The following SQLE variants were observed in gnomAD, a reference collection of about 807,000 sequenced individuals.
SQLE encodes the protein squalene monooxygenase.
Under a neutral mutation model 60.7 loss-of-function variants are expected in SQLE, and 29 were observed. The ratio of observed to expected loss-of-function variants is 0.48; its 90% CI spans 0.36 to 0.65. The LOEUF is 0.65. Among genes scored for constraint, SQLE ranks in the 30% least tolerant of loss-of-function variants. SQLE has a pLI of 0.00. For missense variants in SQLE, 605 were observed against 684.1 expected (o/e 0.88, Z 1.29); for synonymous variants, 237 against 246.8 (o/e 0.96, Z 0.37).
intron 7 of SQLE, 198 bp from the exon 8 acceptor site, chr8:125,017,861 A>G: frequency 1.7e-6 from 1 of 589,230 alleles, no homozygotes; most frequent in Non-Finnish European, 2.9e-6. Flanking sequence ...GTGCCTGGCC[A>G]CCTATTAGGT....
At chr8:125,000,063 G>T (rs1242137365) in intron 1 of SQLE, 2 of 470,756 alleles carry the variant, frequency 4.2e-6, no homozygotes, top group East Asian at 6.6e-5. Context: ...AGAAAGAAAC[G>T]TGCTGCGGGT....
intron 7 of SQLE, among the ~76,000 whole-genome samples, chr8:125,013,356 CTTT>C (rs1554588049): frequency 2.2e-5 from 3 of 136,446 alleles, no homozygotes; most frequent in African/African-American, 5.7e-5. Context: ...TTTTCTTTTT[CTTT>C]TTTTTTTTTT....
At position 124,999,707 on chromosome 8, in the gene SQLE, C is replaced by G. The variant is rs188494662; in HGVS notation, c.291+13C>G. On this transcript the variant is annotated intron_variant, in intron 1 of 10. Transcript: ENST00000265896. ...CGAGGCCAGGAGGGTAGGTTGATTTCAAAGCGGGCAGATGAATGTCTTATT... is the reference window on the plus strand; with the variant it reads ...CGAGGCCAGGAGGGTAGGTTGATTTGAAAGCGGGCAGATGAATGTCTTATT... The G allele has an allele frequency of 4.6e-4, 710 of 1,557,886 alleles. 3 individuals are homozygous for G. In the African/African-American group the frequency reaches 8.3e-3, roughly 18 times the overall value.
At chr8:125,012,868 C>G (rs1160585706) in intron 7 of SQLE, among the ~76,000 whole-genome samples, 1 of 152,210 alleles carries the variant, frequency 6.6e-6, no homozygotes, top group Non-Finnish European at 1.5e-5. Flanking sequence ...CAGTTACATT[C>G]CTTTCAGCAG....
At chr8:125,001,450 GT>G (rs1814849081) in intron 1 of SQLE, among the ~76,000 whole-genome samples, 2 of 33,734 alleles carry the variant, frequency 5.9e-5, no homozygotes, top group Admixed American at 2.3e-4. Context: ...TCCTTTCAGG[GT>G]GTGTGTGTGT....
At position 125,003,548 on chromosome 8, in the gene SQLE, C is replaced by T. The variant is rs894230293; in HGVS notation, c.544+120C>T. 7 of 1,236,186 alleles carry T rather than the reference C, an allele frequency of 5.7e-6. No homozygotes were observed. The African/African-American group carries it at 9.1e-5, about 16-fold the overall frequency. The allele number at this position is 1,236,186 out of a possible 1,614,324, so 76.6% of individuals were successfully genotyped here. ...ATTTTCATTTATAAAATTTTCTATACTCATTTACCAACAAATTTGCATGAA... is the reference window on the plus strand; with the variant it reads ...ATTTTCATTTATAAAATTTTCTATATTCATTTACCAACAAATTTGCATGAA... On this transcript the variant is annotated intron_variant, in intron 2 of 10. Coordinates refer to ENST00000265896, the MANE Select transcript of SQLE (RefSeq NM_003129.4).
At chr8:125,008,117 T>G (rs1246460832) in intron 4 of SQLE, among the ~76,000 whole-genome samples, 1 of 152,198 alleles carries the variant, frequency 6.6e-6, no homozygotes, top group East Asian at 1.9e-4. Flanking sequence ...GAGACGGAGT[T>G]TCACTCTTGT....
rs7012488 is a variant in SQLE, at chr8:124,998,699, C to G, written c.-705C>G. The G allele has an allele frequency of 0.019, 11,740 of 615,726 alleles. 983 individuals carry two copies. Among genetic ancestry groups the G allele is most frequent in the African/African-American group, 0.19 (9,909 of 52,556 alleles). The allele number at this position is 615,726 out of a possible 1,614,324, so 38.1% of individuals were successfully genotyped here. On this transcript the variant is annotated 5_prime_UTR_variant, in exon 1 of 11. Transcript: ENST00000265896. Reference sequence around the variant, plus strand: ...GGGGAAGTGCAGTCGCGGTGGGCGGCTCTGGGGGCCAGCGAAACGGGAGGC... The same window carrying G: ...GGGGAAGTGCAGTCGCGGTGGGCGGGTCTGGGGGCCAGCGAAACGGGAGGC...
intron 7 of SQLE, among the ~76,000 whole-genome samples, chr8:125,015,025 A>G (rs1815090235): frequency 6.6e-6 from 1 of 152,066 alleles, no homozygotes; most frequent in Non-Finnish European, 1.5e-5. Context: ...TCCAGCCATG[A>G]TTGTATTGGG....
At chr8:125,011,784 A>G (rs1815042769) in intron 7 of SQLE, among the ~76,000 whole-genome samples, 152 bp downstream of exon 7, 1 of 151,234 alleles carries the variant, frequency 6.6e-6, no homozygotes, top group African/African-American at 2.4e-5. Context: ...TTTATGATCT[A>G]TTTAGTTGTT....
chr8:125,011,647 G>A lies in SQLE; in HGVS notation c.1204+15G>A. 6.4e-7 allele frequency: 1 copy of A among 1,551,566 alleles called. No individual in the cohort carries two copies. Among genetic ancestry groups the A allele is most frequent in the Non-Finnish European group, 8.7e-7 (1 of 1,144,788 alleles). ...GAAGAAACGAGGTATTATTTTTTGG[G>A]CTTATTTTATAAAGGAATCAGTATT... On this transcript the variant is annotated intron_variant, in intron 7 of 10. Transcript: ENST00000265896.
chr8:125,013,181 AT>A (rs1815063433), intron 7 of SQLE, among the ~76,000 whole-genome samples: 1 of 151,724 alleles, frequency 6.6e-6, no homozygotes, highest in Non-Finnish European at 1.5e-5. Flanking sequence ...GATTTGCAAA[AT>A]TTTTCTCATT....
At position 125,003,530 on chromosome 8, in the gene SQLE, T is replaced by C; in HGVS notation, c.544+102T>C. The C allele has an allele frequency of 5.0e-6, 7 of 1,386,778 alleles. No individual in the cohort carries two copies. The South Asian group carries it at 1.1e-4, about 21-fold the overall frequency. The allele number at this position is 1,386,778 out of a possible 1,614,324, so 85.9% of individuals were successfully genotyped here. A position where few individuals can be genotyped will look rare whatever the true frequency, so the allele number is the denominator to read the frequency against. On this transcript the variant is annotated intron_variant, in intron 2 of 10. Coordinates refer to ENST00000265896, the MANE Select transcript of SQLE (RefSeq NM_003129.4). ...AAGAAGGTATTCCATTTTATTTTCA[T>C]TTATAAAATTTTCTATACTCATTTA... is the stretch of plus-strand genomic sequence containing the variant.
chr8:125,003,779 T>G (rs13265195), intron 2 of SQLE, among the ~76,000 whole-genome samples: 48,209 of 151,760 alleles, frequency 0.32, 8,888 homozygotes, highest in African/African-American at 0.5. Flanking sequence ...GTGTTATTAC[T>G]TAGAATCTTT....
rs775886157 is a variant in SQLE, at chr8:125,007,427, A to C, written c.762A>C (p.Leu254Phe). ...TTGAAGGTGTTGTGTTACAGTTATTAGAGGAAGATGATGTTGTGATGGGAG... is the reference window on the plus strand; with the variant it reads ...TTGAAGGTGTTGTGTTACAGTTATTCGAGGAAGATGATGTTGTGATGGGAG... ...KFIEGVVLQL[L>F]EEDDVVMGVQ... The change falls in exon 4 of 11, where the codon TTA (leucine) becomes TTC (phenylalanine). Residue 254 changes from leucine (L) to phenylalanine (F), a missense_variant. Leu to Phe is a conservative substitution (Grantham distance 22, BLOSUM62 0). Transcript: ENST00000265896. 1.2e-5 allele frequency: 19 copies of C among 1,557,092 alleles called. No homozygotes were observed. The highest frequency in any genetic ancestry group is 1.7e-5 in the Non-Finnish European group (19 of 1,149,564).
chr8:125,015,389 G>A (rs1020307814), intron 7 of SQLE, among the ~76,000 whole-genome samples: 1 of 152,014 alleles, frequency 6.6e-6, no homozygotes, highest in African/African-American at 2.4e-5. Flanking sequence ...CATCTACATT[G>A]AATGTTATTA....
chr8:124,998,764 G>A lies in SQLE; in HGVS notation c.-640G>A, dbSNP rs963070793. ...GTTGGGGCTGCATTGCCCTGGAGCC[G>A]CACTCTTGAGTCCGAGGCCATCTTT... On this transcript the variant is annotated 5_prime_UTR_variant, in exon 1 of 11. Transcript: ENST00000265896. 3 of 516,760 alleles carry A rather than the reference G, an allele frequency of 5.8e-6. No homozygotes were observed. The highest frequency in any genetic ancestry group is 2.4e-5 in the South Asian group (1 of 41,530). The allele number at this position is 516,760 out of a possible 1,614,324, so 32.0% of individuals were successfully genotyped here. A position where few individuals can be genotyped will look rare whatever the true frequency, so the allele number is the denominator to read the frequency against.
chr8:125,006,750 G>A (rs1814955492), intron 3 of SQLE, among the ~76,000 whole-genome samples: 1 of 150,860 alleles, frequency 6.6e-6, no homozygotes, highest in African/African-American at 2.4e-5. Context: ...TGTCACCCGG[G>A]CTGGAGGGCA....
chr8:125,007,538 T>C, intron 4 of SQLE, 51 bp downstream of exon 4: 1 of 1,275,778 alleles, frequency 7.8e-7, no homozygotes, highest in Admixed American at 2.3e-5. Context: ...TTTTTCCTGC[T>C]TTTTCACTTA....
Sources: gnomAD v4.1 joint callset for allele counts (sites outside exome capture counted in the v4.1 genomes callset) on GRCh38, gnomAD v4.1.1 for gene constraint, MANE v1.5 for transcripts, NCBI Gene and HGNC (gene_info 2026-07-23, HGNC 2026-07-21) for gene names.